SMYD3: variants seen among roughly 807,000 people sequenced by gnomAD.
SMYD3 encodes the protein histone-lysine N-methyltransferase SMYD3.
Under a neutral mutation model 57.7 loss-of-function variants are expected in SMYD3, and 36 were observed. The observed-to-expected ratio is 0.62, with a 90% confidence interval of 0.48 to 0.82. The LOEUF (loss-of-function observed/expected upper bound fraction) is 0.82. SMYD3 is among the 40% of genes least tolerant of loss of function. SMYD3 has a pLI of 0.00. For missense variants in SMYD3, 515 were observed against 538.8 expected (o/e 0.96, Z 0.44); for synonymous variants, 211 against 195.0 (o/e 1.08, Z -0.68).
chr1:246,310,369 G>C (rs1350355136), intron 5 of SMYD3, among the ~76,000 whole-genome samples: 1 of 152,200 alleles, frequency 6.6e-6, no homozygotes, highest in African/African-American at 2.4e-5. Flanking sequence ...TGATGGACTG[G>C]AGCTTTTAGC....
At chr1:245,983,021 A>G (rs2058631194) in intron 5 of SMYD3, among the ~76,000 whole-genome samples, 1 of 152,234 alleles carries the variant, frequency 6.6e-6, no homozygotes, top group African/African-American at 2.4e-5. Flanking sequence ...TAAAAAGTCC[A>G]ATCTACCCTT....
chr1:245,791,837 C>G (rs2047284072), intron 10 of SMYD3, among the ~76,000 whole-genome samples: 1 of 152,146 alleles, frequency 6.6e-6, no homozygotes, highest in Non-Finnish European at 1.5e-5. Context: ...TTTCTTTTCT[C>G]TGGGCCACTC....
intron 5 of SMYD3, among the ~76,000 whole-genome samples, chr1:246,152,186 G>A (rs1034842617): frequency 8.5e-5 from 13 of 152,280 alleles, no homozygotes; most frequent in Admixed American, 3.9e-4. Context: ...AGAGGCTCCC[G>A]GCAGGCAGCC....
intron 1 of SMYD3, among the ~76,000 whole-genome samples, chr1:246,444,961 A>G (rs1338405095): frequency 6.6e-6 from 1 of 152,180 alleles, no homozygotes; most frequent in Non-Finnish European, 1.5e-5. Context: ...CACCTGTACT[A>G]CTTACTAGCC....
intron 5 of SMYD3, among the ~76,000 whole-genome samples, chr1:246,268,776 C>T (rs2064160169): frequency 6.6e-6 from 1 of 152,108 alleles, no homozygotes; most frequent in South Asian, 2.1e-4. Flanking sequence ...GCCCCTAGGG[C>T]TGCTCTGTCT....
At chr1:246,317,943 C>A (rs910690665) in intron 5 of SMYD3, among the ~76,000 whole-genome samples, 14 of 152,096 alleles carry the variant, frequency 9.2e-5, no homozygotes, top group Admixed American at 8.5e-4. Context: ...TATAGTTATT[C>A]ATCATTCCTT....
intron 5 of SMYD3, among the ~76,000 whole-genome samples, chr1:245,970,019 A>G (rs1333163161): frequency 1.3e-5 from 2 of 152,236 alleles, no homozygotes; most frequent in African/African-American, 4.8e-5. Context: ...TCCTAAGCAA[A>G]AAGAACAAAG....
At chr1:246,183,405 A>C (rs1273283337) in intron 5 of SMYD3, among the ~76,000 whole-genome samples, 2 of 151,836 alleles carry the variant, frequency 1.3e-5, no homozygotes, top group Admixed American at 1.3e-4. Context: ...AAATACAAGA[A>C]GGTTGGCATA....
chr1:246,479,489 G>A (rs550872731), intron 1 of SMYD3, among the ~76,000 whole-genome samples: 4 of 144,968 alleles, frequency 2.8e-5, no homozygotes, highest in African/African-American at 7.6e-5. Flanking sequence ...TTTGGCATGT[G>A]TCAAAAAGCG....
chr1:245,897,253 C>T (rs1214792823), intron 8 of SMYD3, among the ~76,000 whole-genome samples: 1 of 152,188 alleles, frequency 6.6e-6, no homozygotes, highest in Non-Finnish European at 1.5e-5. Flanking sequence ...TAAGGGAGCT[C>T]TAAGTTTAAA....
chr1:246,290,686 C>A (rs1393871963), intron 5 of SMYD3, among the ~76,000 whole-genome samples: 1 of 152,192 alleles, frequency 6.6e-6, no homozygotes, highest in East Asian at 1.9e-4. Flanking sequence ...GCACCTCAGC[C>A]TCTCACAATG....
chr1:245,773,094 A>G (rs1206894515), intron 10 of SMYD3, among the ~76,000 whole-genome samples: 1 of 151,210 alleles, frequency 6.6e-6, no homozygotes, highest in Admixed American at 6.6e-5. Context: ...AATCACTAAA[A>G]AAAAAAAAAA....
intron 5 of SMYD3, among the ~76,000 whole-genome samples, chr1:246,117,883 C>T (rs1283557765): frequency 6.6e-6 from 1 of 151,942 alleles, no homozygotes; most frequent in African/African-American, 2.4e-5. Context: ...GGTCAAATTA[C>T]ATATTCTTTC....
intron 8 of SMYD3, among the ~76,000 whole-genome samples, chr1:245,903,684 T>C (rs907455445): frequency 7.2e-5 from 11 of 152,178 alleles, no homozygotes; most frequent in Admixed American, 5.2e-4. Context: ...GAAGGGATGA[T>C]ATAGTTTGGC....
At chr1:246,441,058 T>C (rs1450737723) in intron 1 of SMYD3, among the ~76,000 whole-genome samples, 1 of 152,154 alleles carries the variant, frequency 6.6e-6, no homozygotes, top group Non-Finnish European at 1.5e-5. Flanking sequence ...TAGGTGACCC[T>C]TAATCTCTGT....
chr1:245,931,199 G>T (rs1182675746), intron 5 of SMYD3, among the ~76,000 whole-genome samples: 1 of 152,192 alleles, frequency 6.6e-6, no homozygotes, highest in Non-Finnish European at 1.5e-5. Context: ...GCTTTAAAAG[G>T]ATCATTCTGG....
intron 5 of SMYD3, among the ~76,000 whole-genome samples, chr1:245,964,608 G>A (rs1428325532): frequency 6.6e-6 from 1 of 152,170 alleles, no homozygotes; most frequent in African/African-American, 2.4e-5. Context: ...TGAAAGAACA[G>A]ATAAGTATAA....
intron 10 of SMYD3, among the ~76,000 whole-genome samples, chr1:245,832,776 G>A: frequency 6.6e-6 from 1 of 152,068 alleles, no homozygotes; most frequent in East Asian, 1.9e-4. Flanking sequence ...ACATAATGTT[G>A]AATCCTGTAA....
chr1:245,967,318 G>GACAACT (rs2058180775), intron 5 of SMYD3, among the ~76,000 whole-genome samples: 1 of 152,098 alleles, frequency 6.6e-6, no homozygotes, highest in Admixed American at 6.6e-5. Flanking sequence ...TGTCTTTAAA[G>GACAACT]TTATGGGCAA....
Sources: gnomAD v4.1 joint callset for allele counts (sites outside exome capture counted in the v4.1 genomes callset) on GRCh38, gnomAD v4.1.1 for gene constraint, MANE v1.5 for transcripts, NCBI Gene and HGNC (gene_info 2026-07-23, HGNC 2026-07-21) for gene names.